ROR1: variants seen among roughly 807,000 people sequenced by gnomAD.
The protein encoded by ROR1 is ROR family WNT receptor 1.
Under a neutral mutation model 78.8 loss-of-function variants are expected in ROR1, and 19 were observed. That is an observed-to-expected ratio of 0.24 (90% CI 0.17 to 0.35). ROR1 has a LOEUF of 0.35. ROR1 is among the 10% of genes least tolerant of loss of function. The pLI is 1.00. For missense variants in ROR1, 917 were observed against 1,177.8 expected, an observed-to-expected ratio of 0.78 and a Z score of 3.24; for synonymous variants, 386 against 433.6, an observed-to-expected ratio of 0.89 and a Z score of 1.36.
chr1:64,171,945 G>A (rs1019132574), intron 8 of ROR1, among the ~76,000 whole-genome samples: 1 of 152,176 alleles, frequency 6.6e-6, no homozygotes, highest in Non-Finnish European at 1.5e-5. Context: ...CAGGAAATAG[G>A]TTAGTAGTAG....
intron 6 of ROR1, among the ~76,000 whole-genome samples, chr1:64,141,644 G>A (rs1300620415): frequency 6.6e-6 from 1 of 152,114 alleles, no homozygotes; most frequent in African/African-American, 2.4e-5. Flanking sequence ...GACTATTTCA[G>A]TGTACATTTC....
At chr1:63,875,283 G>A (rs1307070747) in intron 1 of ROR1, among the ~76,000 whole-genome samples, 3 of 152,158 alleles carry the variant, frequency 2.0e-5, no homozygotes, top group Non-Finnish European at 4.4e-5. Flanking sequence ...CTCTGTGTTA[G>A]CTTTTATTGA....
At chr1:64,022,950 T>C (rs1267196483) in intron 2 of ROR1, among the ~76,000 whole-genome samples, 1 of 152,136 alleles carries the variant, frequency 6.6e-6, no homozygotes, top group East Asian at 1.9e-4. Context: ...CATTTATTTA[T>C]ATAAAAAGGA....
intron 1 of ROR1, among the ~76,000 whole-genome samples, chr1:63,999,016 A>G (rs1477158760): frequency 6.6e-6 from 1 of 152,124 alleles, no homozygotes; most frequent in Non-Finnish European, 1.5e-5. Flanking sequence ...GCCTTCCTCC[A>G]TGATTGCGAG....
intron 4 of ROR1, among the ~76,000 whole-genome samples, chr1:64,058,405 T>C (rs904231259): frequency 6.6e-6 from 1 of 152,116 alleles, no homozygotes; most frequent in Non-Finnish European, 1.5e-5. Flanking sequence ...GTTTTTTTTT[T>C]ACCTTATCTT....
intron 4 of ROR1, among the ~76,000 whole-genome samples, chr1:64,129,366 T>A (rs1443130122): frequency 6.6e-6 from 1 of 152,234 alleles, no homozygotes; most frequent in Non-Finnish European, 1.5e-5. Context: ...ACACTTGTGG[T>A]AGAAAATCTG....
chr1:64,176,342 A>C (rs979406156), intron 8 of ROR1, among the ~76,000 whole-genome samples: 22 of 152,252 alleles, frequency 1.4e-4, no homozygotes, highest in African/African-American at 5.3e-4. Flanking sequence ...CAAAAAGTTA[A>C]ATAGTACTTA....
At chr1:64,023,717 C>T (rs1646584564) in intron 2 of ROR1, among the ~76,000 whole-genome samples, 1 of 152,158 alleles carries the variant, frequency 6.6e-6, no homozygotes, top group Non-Finnish European at 1.5e-5. Flanking sequence ...GAGCCATTCT[C>T]TTTTGTAAAC....
chr1:64,128,573 TAAAATA>T (rs957867209), intron 4 of ROR1, among the ~76,000 whole-genome samples: 1 of 131,666 alleles, frequency 7.6e-6, no homozygotes, highest in African/African-American at 2.7e-5. Context: ...ACACAGAAAT[TAAAATA>T]AAAAGTGGGA....
chr1:63,840,268 T>C (rs1645041185), intron 1 of ROR1, among the ~76,000 whole-genome samples: 3 of 149,246 alleles, frequency 2.0e-5, no homozygotes, highest in Admixed American at 2.0e-4. Flanking sequence ...AAAGTCTCTC[T>C]GCTTGTCGTT....
At chr1:63,991,239 C>T (rs1646293891) in intron 1 of ROR1, among the ~76,000 whole-genome samples, 1 of 152,082 alleles carries the variant, frequency 6.6e-6, no homozygotes, top group Admixed American at 6.6e-5. Context: ...ACTGAGCCAC[C>T]GTGCCCAGCC....
At chr1:63,882,287 G>C (rs1165245524) in intron 1 of ROR1, among the ~76,000 whole-genome samples, 2 of 152,154 alleles carry the variant, frequency 1.3e-5, no homozygotes, top group Non-Finnish European at 2.9e-5. Flanking sequence ...GTTAGGCCCA[G>C]GAGCCTTGGA....
At chr1:64,075,554 A>G (rs1281841559) in intron 4 of ROR1, among the ~76,000 whole-genome samples, 1 of 152,214 alleles carries the variant, frequency 6.6e-6, no homozygotes, top group African/African-American at 2.4e-5. Context: ...GAATGCCTCC[A>G]GTCACTGTCC....
At chr1:63,991,387 C>T (rs1036611888) in intron 1 of ROR1, among the ~76,000 whole-genome samples, 5 of 152,162 alleles carry the variant, frequency 3.3e-5, no homozygotes, top group African/African-American at 1.2e-4. Flanking sequence ...AGATCACAGC[C>T]ATTTTTCAGA....
chr1:64,075,182 T>A (rs1647038800), intron 4 of ROR1, among the ~76,000 whole-genome samples: 1 of 152,186 alleles, frequency 6.6e-6, no homozygotes, highest in Non-Finnish European at 1.5e-5. Context: ...AATATTCAAG[T>A]TCTAATTTCT....
rs143624442 is a variant in ROR1 at position 64,089,000 on chromosome 1, T to A, written c.482+38284T>A. Among the ~76,000 whole-genome samples, 43 of 152,186 alleles carry A rather than the reference T, an allele frequency of 2.8e-4. 1 individual carries two copies. In the East Asian group the frequency reaches 8.1e-3, roughly 29 times the overall value. On this transcript the variant is annotated intron_variant, in intron 4 of 8. Coordinates refer to ENST00000371079, the MANE Select transcript of ROR1 (RefSeq NM_005012.4). ...CAGTGATTTTTTTAAGAATTTTTTTTACTATACTTTAAATAATAAAAATAT... is the reference window on the plus strand; with the variant it reads ...CAGTGATTTTTTTAAGAATTTTTTTAACTATACTTTAAATAATAAAAATAT...
chr1:63,894,556 G>T (rs1474928984), intron 1 of ROR1, among the ~76,000 whole-genome samples: 1 of 152,114 alleles, frequency 6.6e-6, no homozygotes, highest in African/African-American at 2.4e-5. Context: ...TGAAGCTGAT[G>T]TTTATACTGA....
At chr1:63,789,039 A>T (rs753631892) in intron 1 of ROR1, 2 of 630,194 alleles carry the variant, frequency 3.2e-6, no homozygotes, top group Non-Finnish European at 6.1e-6. Context: ...CTTCTCTGGC[A>T]TCCGGGCATT....
At chr1:63,843,416 G>T in intron 1 of ROR1, 1 of 743,682 alleles carries the variant, frequency 1.3e-6, no homozygotes, top group Non-Finnish European at 2.4e-6. Context: ...TGCTCTCCTT[G>T]GTCTCGTAGG....
Sources: gnomAD v4.1 joint callset for allele counts (sites outside exome capture counted in the v4.1 genomes callset) on GRCh38, gnomAD v4.1.1 for gene constraint, MANE v1.5 for transcripts, NCBI Gene and HGNC (gene_info 2026-07-23, HGNC 2026-07-21) for gene names.